The following HADHA variants were observed in gnomAD, a reference collection of about 807,000 sequenced individuals.
HADHA encodes the protein trifunctional enzyme subunit alpha, mitochondrial.
In HADHA, 59 loss-of-function variants were observed where a neutral mutation model predicts 91.3. The observed-to-expected ratio is 0.65, with a 90% CI of 0.52 to 0.80. The LOEUF (loss-of-function observed/expected upper bound fraction) is 0.80. Among genes scored for constraint, HADHA ranks in the 30% least tolerant of loss-of-function variants. HADHA has a pLI of 0.00. For missense variants in HADHA, 800 were observed against 927.6 expected (o/e 0.86, Z 1.79); for synonymous variants, 320 against 338.9 (o/e 0.94, Z 0.61).
intron 16 of HADHA, 55 bp from the exon 17 acceptor site, chr2:26,193,827 A>C: frequency 3.6e-6 from 5 of 1,376,432 alleles, no homozygotes; most frequent in Admixed American, 1.7e-5. Flanking sequence ...AATCCCCCCA[A>C]AGGGCTCCCT....
chr2:26,196,373 G>A (rs1669672521), intron 14 of HADHA, among the ~76,000 whole-genome samples: 1 of 152,134 alleles, frequency 6.6e-6, no homozygotes, highest in African/African-American at 2.4e-5. Flanking sequence ...CAGTACTCCT[G>A]AGCAAAAGGA....
At position 26,214,787 on chromosome 2, in the gene HADHA, C is replaced by G. The variant is rs948301837; in HGVS notation, c.800-226G>C. Reference sequence around the variant, plus strand: ...ACATGAGTGTTTATAACACTGTTATCTAGTCTTTTTGTGTTCATGCTTAAC... The same window carrying G: ...ACATGAGTGTTTATAACACTGTTATGTAGTCTTTTTGTGTTCATGCTTAAC... On this transcript the variant is annotated intron_variant, in intron 8 of 19. Coordinates refer to ENST00000380649, the MANE Select transcript of HADHA (RefSeq NM_000182.5). This position sits in a 1 kb window ranked among gnomAD's most constrained non-coding sequence, Gnocchi z 4.1. 2.0e-5 allele frequency among the ~76,000 whole-genome samples: 3 copies of G among 152,034 alleles called. No individual in the cohort carries two copies. Among genetic ancestry groups the G allele is most frequent in the Admixed American group, 6.6e-5 (1 of 15,262 alleles).
In HADHA at chr2:26,210,074, C is replaced by T. The variant is rs1034002201; in HGVS notation, c.976-185G>A. 6.6e-6 allele frequency among the ~76,000 whole-genome samples: 1 copy of T among 152,114 alleles called. No homozygotes were observed. Among genetic ancestry groups the T allele is most frequent in the Non-Finnish European group, 1.5e-5 (1 of 68,032 alleles). ...CTCTCACTGATGTGTCTTGTCTTTACTTGTCTTATCTGGAGCACTTTCCAA... is the reference window on the plus strand; with the variant it reads ...CTCTCACTGATGTGTCTTGTCTTTATTTGTCTTATCTGGAGCACTTTCCAA... On this transcript the variant is annotated intron_variant, in intron 10 of 19. Transcript: ENST00000380649. The surrounding 1 kb of genome is among the most constrained non-coding windows in gnomAD (Gnocchi z 4.0).
intron 3 of HADHA, among the ~76,000 whole-genome samples, chr2:26,237,885 GGTTA>G (rs1295958570): frequency 7.2e-5 from 11 of 152,246 alleles, no homozygotes; most frequent in Non-Finnish European, 8.8e-5. Flanking sequence ...TTGAATCATT[GGTTA>G]GTGAGTGCTA....
chr2:26,224,319 GTTGT>G (rs1670440033), intron 7 of HADHA, among the ~76,000 whole-genome samples: 1 of 152,180 alleles, frequency 6.6e-6, no homozygotes, highest in African/African-American at 2.4e-5. Context: ...TTCCTTTTGG[GTTGT>G]TTAATTATTT....
intron 11 of HADHA, among the ~76,000 whole-genome samples, chr2:26,208,142 T>C (rs1037390905): frequency 2.6e-5 from 4 of 152,224 alleles, no homozygotes; most frequent in African/African-American, 9.6e-5. Flanking sequence ...GAATTTTTGA[T>C]TCAAGGCAGT....
intron 4 of HADHA, 28 bp from the exon 5 acceptor site, chr2:26,234,383 G>A (rs748102388): frequency 1.2e-6 from 2 of 1,602,248 alleles, no homozygotes; most frequent in Non-Finnish European, 1.7e-6. Context: ...GTAGAGAACA[G>A]AGAAAAAGAT....
At chr2:26,209,927 A>G in intron 10 of HADHA, 38 bp from the exon 11 acceptor site, 1 of 1,046,280 alleles carries the variant, frequency 9.6e-7, no homozygotes, top group Non-Finnish European at 1.5e-6. Context: ...GTAGAACTTC[A>G]CAGTCTAGGT....
At chr2:26,194,422 G>T in intron 16 of HADHA, 148 bp downstream of exon 16, 1 of 711,974 alleles carries the variant, frequency 1.4e-6, no homozygotes. Context: ...TCCGACTGCT[G>T]TGCAGAGAGA....
At chr2:26,212,949 C>A (rs1053135286) in intron 9 of HADHA, among the ~76,000 whole-genome samples, 2 of 152,204 alleles carry the variant, frequency 1.3e-5, no homozygotes, top group African/African-American at 4.8e-5. Context: ...TCTACACTTT[C>A]TCCCTCAGAT....
chr2:26,244,502 G>C, intron 1 of HADHA, 28 bp downstream of exon 1: 2 of 1,558,862 alleles, frequency 1.3e-6, no homozygotes, highest in Non-Finnish European at 1.7e-6. Context: ...CTGCCCGGAG[G>C]TCTGGGATGC....
chr2:26,214,420 T>A lies in HADHA; in HGVS notation c.918+23A>T. ...ATAAAGGAAGGAAATATGAGAAAAG[T>A]GGGAATATTGGGTAAGACTCACATC... On this transcript the variant is annotated intron_variant, in intron 9 of 19. Coordinates refer to ENST00000380649, the MANE Select transcript of HADHA (RefSeq NM_000182.5). The surrounding 1 kb of genome is among the most constrained non-coding windows in gnomAD (Gnocchi z 4.1). The A allele has an allele frequency of 9.5e-7, 1 of 1,050,554 alleles. No individual in the cohort carries two copies. Among genetic ancestry groups the A allele is most frequent in the East Asian group, 2.4e-5 (1 of 42,442 alleles). 65.1% of individuals were successfully genotyped at this position (1,050,554 alleles called of 1,614,324 possible). A position where few individuals can be genotyped will look rare whatever the true frequency, so the allele number is the denominator to read the frequency against.
At chr2:26,202,839 A>T (rs184491317) in intron 12 of HADHA, among the ~76,000 whole-genome samples, 1 of 152,392 alleles carries the variant, frequency 6.6e-6, no homozygotes, top group East Asian at 1.9e-4. Flanking sequence ...ACTTGTCAGC[A>T]TTCAAAACAT....
intron 1 of HADHA, among the ~76,000 whole-genome samples, chr2:26,242,607 T>C (rs1259502115): frequency 6.6e-6 from 1 of 152,218 alleles, no homozygotes; most frequent in East Asian, 1.9e-4. Flanking sequence ...AACTGCTTGA[T>C]ATCTAAAATA....
intron 18 of HADHA, 74 bp downstream of exon 18, chr2:26,192,236 G>T: frequency 1.3e-6 from 1 of 783,620 alleles, no homozygotes; most frequent in Non-Finnish European, 2.2e-6. Context: ...AAAAAAAAAT[G>T]GAAGAGGGGC....
intron 3 of HADHA, among the ~76,000 whole-genome samples, chr2:26,238,402 T>C (rs1349489666): frequency 6.6e-6 from 1 of 152,242 alleles, no homozygotes; most frequent in Non-Finnish European, 1.5e-5. Context: ...AATGGATTAC[T>C]GTTACACACT....
chr2:26,192,309 C>A lies in HADHA; in HGVS notation c.2000+1G>T, dbSNP rs1167218743. On this transcript the variant is annotated splice_donor_variant, in intron 18 of 19. Coordinates refer to ENST00000380649, the MANE Select transcript of HADHA (RefSeq NM_000182.5). LOFTEE classifies it high-confidence loss of function. ...GGCATTAGCCACTCAAACGGACTTACACTTCAGACTTAGGAGGCAGCTTCA... is the reference window on the plus strand; with the variant it reads ...GGCATTAGCCACTCAAACGGACTTAAACTTCAGACTTAGGAGGCAGCTTCA... 6.6e-7 allele frequency: 1 copy of A among 1,508,512 alleles called. No homozygotes were observed. The highest frequency in any genetic ancestry group is 9.2e-7 in the Non-Finnish European group (1 of 1,083,536). 93.4% of individuals were successfully genotyped at this position (1,508,512 alleles called of 1,614,324 possible).
At chr2:26,235,877 C>T (rs530894371) in intron 4 of HADHA, among the ~76,000 whole-genome samples, 1 of 152,216 alleles carries the variant, frequency 6.6e-6, no homozygotes, top group Non-Finnish European at 1.5e-5. Flanking sequence ...ATGCATTCCA[C>T]CATTTAGCAG....
chr2:26,241,280 C>T (rs995960080), intron 1 of HADHA, among the ~76,000 whole-genome samples: 1 of 152,028 alleles, frequency 6.6e-6, no homozygotes, highest in Admixed American at 6.6e-5. Flanking sequence ...AGATTCAACA[C>T]TGGGAGAAGC....
Sources: allele counts gnomAD v4.1 joint callset (sites outside exome capture counted in the v4.1 genomes callset), GRCh38; gene constraint gnomAD v4.1.1; non-coding constraint Gnocchi (gnomAD v3.1); transcripts MANE v1.5; gene names NCBI Gene and HGNC (gene_info 2026-07-23, HGNC 2026-07-21).